Variants in DPP10 observed in about 807,000 individuals in gnomAD.
DPP10 encodes inactive dipeptidyl peptidase 10.
A neutral mutation model predicts 120.9 loss-of-function variants in DPP10; 33 were observed. The observed-to-expected ratio is 0.27, with a 90% CI of 0.21 to 0.37. The LOEUF is 0.37. Among genes scored for constraint, DPP10 ranks in the 10% least tolerant of loss-of-function variants. The pLI is 1.00. For missense variants in DPP10, 816 were observed against 942.8 expected (o/e 0.87, Z 1.76); for synonymous variants, 337 against 326.1 (o/e 1.03, Z -0.36).
chr2:115,195,756 A>G (rs2055214608), intron 1 of DPP10, among the ~76,000 whole-genome samples: 1 of 151,966 alleles, frequency 6.6e-6, no homozygotes, highest in Admixed American at 6.5e-5. Context: ...GTTTTGCTTT[A>G]TGCGCTTCCT....
chr2:115,691,613 C>G (rs1373459069), intron 7 of DPP10, among the ~76,000 whole-genome samples: 1 of 152,086 alleles, frequency 6.6e-6, no homozygotes, highest in African/African-American at 2.4e-5. Flanking sequence ...ATAAGCTTTA[C>G]TAGCTGACAA....
chr2:115,767,558 C>T (rs1427651180), intron 12 of DPP10, among the ~76,000 whole-genome samples: 11 of 151,130 alleles, frequency 7.3e-5, no homozygotes, highest in Non-Finnish European at 1.5e-4. Flanking sequence ...TATATATACA[C>T]ACACATAAAT....
chr2:115,143,309 T>G (rs747800010), intron 1 of DPP10, among the ~76,000 whole-genome samples: 16 of 152,134 alleles, frequency 1.1e-4, no homozygotes, highest in Non-Finnish European at 1.8e-4. Context: ...AGAAAAGCAA[T>G]AGCCCCTTTC....
chr2:115,196,216 C>G lies in DPP10; in HGVS notation c.61-113023C>G, dbSNP rs532745053. ...ATATTTAGGAAAAGAAGAATTGCAG[C>G]TGCTGCAGAAGAATTAGAGTTCAAC... On this transcript the variant is annotated intron_variant, in intron 1 of 25. Transcript: ENST00000410059. Among the ~76,000 whole-genome samples, 5 of 152,254 alleles carry G rather than the reference C, an allele frequency of 3.3e-5. 1 individual carries two copies. In the East Asian group the frequency reaches 9.7e-4, roughly 29 times the overall value.
intron 1 of DPP10, among the ~76,000 whole-genome samples, chr2:114,811,189 C>T (rs1021681042): frequency 9.8e-5 from 15 of 152,286 alleles, no homozygotes; most frequent in Admixed American, 9.8e-4. Flanking sequence ...AACAGCATCT[C>T]ATATTTAGAT....
intron 1 of DPP10, among the ~76,000 whole-genome samples, chr2:114,834,830 GTATATATAAGCCATGTCTACA>G: frequency 6.7e-6 from 1 of 149,392 alleles, no homozygotes; most frequent in Non-Finnish European, 1.5e-5. Context: ...ACACACCTAT[GTATATATAAGCCATGTCTACA>G]CACCTATGTA....
intron 1 of DPP10, among the ~76,000 whole-genome samples, chr2:114,562,789 A>G (rs1688872905): frequency 6.6e-6 from 1 of 152,256 alleles, no homozygotes; most frequent in African/African-American, 2.4e-5. Flanking sequence ...GATTTATTAT[A>G]TGACATCATG....
intron 1 of DPP10, among the ~76,000 whole-genome samples, chr2:114,829,411 G>GT (rs141454530): frequency 0.12 from 17,912 of 146,032 alleles, 1,446 homozygotes; most frequent in Non-Finnish European, 0.18. Context: ...GAGACAGAGT[G>GT]TCGCTCTTGT....
At chr2:115,299,652 A>C (rs1375000417) in intron 1 of DPP10, among the ~76,000 whole-genome samples, 2 of 151,942 alleles carry the variant, frequency 1.3e-5, no homozygotes, top group Non-Finnish European at 2.9e-5. Flanking sequence ...AATAGAACTA[A>C]TGTGTTTGTG....
intron 1 of DPP10, among the ~76,000 whole-genome samples, chr2:115,206,545 C>G (rs1416943450): frequency 6.6e-6 from 1 of 152,076 alleles, no homozygotes; most frequent in Non-Finnish European, 1.5e-5. Context: ...TGCTTTTTTT[C>G]TCTTCCAAAG....
chr2:115,038,895 A>G (rs1704432881), intron 1 of DPP10, among the ~76,000 whole-genome samples: 1 of 152,184 alleles, frequency 6.6e-6, no homozygotes, highest in Non-Finnish European at 1.5e-5. Flanking sequence ...ATGCTATCCT[A>G]ATGCTCAGAT....
intron 1 of DPP10, among the ~76,000 whole-genome samples, chr2:114,882,899 T>G (rs1262949870): frequency 6.6e-6 from 1 of 152,142 alleles, no homozygotes; most frequent in East Asian, 1.9e-4. Flanking sequence ...CATTCACAAT[T>G]TCTATAGTTT....
At chr2:115,743,449 A>G (rs1287313256) in intron 9 of DPP10, among the ~76,000 whole-genome samples, 1 of 152,208 alleles carries the variant, frequency 6.6e-6, no homozygotes, top group East Asian at 1.9e-4. Context: ...AAAGTATGCC[A>G]TAAAACTGTG....
At chr2:115,394,740 C>G (rs1301181277) in intron 3 of DPP10, among the ~76,000 whole-genome samples, 1 of 152,058 alleles carries the variant, frequency 6.6e-6, no homozygotes, top group Non-Finnish European at 1.5e-5. Context: ...GATGGTGGCA[C>G]AGATTTTATT....
intron 1 of DPP10, among the ~76,000 whole-genome samples, chr2:114,456,209 A>G (rs920301915): frequency 1.4e-4 from 21 of 152,342 alleles, no homozygotes; most frequent in Middle Eastern, 3.4e-3. Flanking sequence ...GGCAGGAGAA[A>G]CAATAGAGAA....
At chr2:115,600,891 G>A (rs74717124) in intron 5 of DPP10, among the ~76,000 whole-genome samples, 2,819 of 152,246 alleles carry the variant, frequency 0.019, 96 homozygotes, top group African/African-American at 0.064. Context: ...CTGTTTAACG[G>A]GGACACAAAT....
chr2:115,301,442 A>T (rs956297546), intron 1 of DPP10, among the ~76,000 whole-genome samples: 1 of 149,768 alleles, frequency 6.7e-6, no homozygotes, highest in Non-Finnish European at 1.5e-5. Context: ...TTCCTTCCTG[A>T]GAGAAAAATA....
intron 1 of DPP10, among the ~76,000 whole-genome samples, chr2:114,508,183 C>A (rs766676330): frequency 6.6e-6 from 1 of 152,048 alleles, no homozygotes; most frequent in Non-Finnish European, 1.5e-5. Context: ...GTCAAGTAAA[C>A]GTCCTTACAC....
chr2:114,951,939 T>C (rs1052086369), intron 1 of DPP10, among the ~76,000 whole-genome samples: 1 of 152,010 alleles, frequency 6.6e-6, no homozygotes, highest in Non-Finnish European at 1.5e-5. Flanking sequence ...TTAATATTTA[T>C]CTGATGTCAA....
Sources: gnomAD v4.1 joint callset for allele counts (sites outside exome capture counted in the v4.1 genomes callset) on GRCh38, gnomAD v4.1.1 for gene constraint, MANE v1.5 for transcripts, NCBI Gene and HGNC (gene_info 2026-07-23, HGNC 2026-07-21) for gene names.